SPOPL: variants seen among roughly 807,000 people sequenced by gnomAD.
The protein encoded by SPOPL is speckle type BTB/POZ protein like, also known as speckle-type POZ protein-like.
In SPOPL, 23 loss-of-function variants were observed where a neutral mutation model predicts 53.8. The ratio of observed to expected loss-of-function variants is 0.43; its 90% CI spans 0.31 to 0.61. SPOPL has a LOEUF of 0.61. Among genes scored for constraint, SPOPL ranks in the 20% least tolerant of loss-of-function variants. The pLI is 0.12. For missense variants in SPOPL, 442 were observed against 466.9 expected, an observed-to-expected ratio of 0.95 and a Z score of 0.49; for synonymous variants, 164 against 149.7, an observed-to-expected ratio of 1.10 and a Z score of -0.70.
intron 1 of SPOPL, among the ~76,000 whole-genome samples, chr2:138,517,461 C>T (rs1286796874): frequency 6.6e-6 from 1 of 152,072 alleles, no homozygotes; most frequent in Non-Finnish European, 1.5e-5. Flanking sequence ...ATATTTCTTG[C>T]CGGGTGCGGT....
intron 1 of SPOPL, among the ~76,000 whole-genome samples, chr2:138,530,016 T>A (rs1415266826): frequency 1.3e-5 from 2 of 152,082 alleles, no homozygotes; most frequent in African/African-American, 4.8e-5. Context: ...TGTTTCCTGC[T>A]ATGTGTCCAT....
chr2:138,566,417 C>T (rs1685661336), intron 10 of SPOPL, among the ~76,000 whole-genome samples: 5 of 152,028 alleles, frequency 3.3e-5, no homozygotes, highest in Admixed American at 1.3e-4. Context: ...TTGTTTTGTA[C>T]CCCCTTGGAG....
In SPOPL at chr2:138,560,839, T is replaced by G; in HGVS notation, c.749T>G (p.Val250Gly). The change falls in exon 8 of 11, where the codon GTT (valine) becomes GGT (glycine). Residue 250 changes from valine to glycine, a missense_variant. Physicochemically the swap from Val to Gly is moderately radical, Grantham distance 109. Coordinates refer to ENST00000280098, the MANE Select transcript of SPOPL (RefSeq NM_001001664.3). ...GAAATAAATGATTTAGACCCTGAAGTTTTTAAAGAAATGATGAGATTCATT... is the reference window on the plus strand; with the variant it reads ...GAAATAAATGATTTAGACCCTGAAGGTTTTAAAGAAATGATGAGATTCATT... ...RVEINDLDPE[V>G]FKEMMRFIYT... is the part of the protein sequence containing the mutation. 6.2e-7 allele frequency: 1 copy of G among 1,608,484 alleles called. No individual in the cohort carries two copies. The highest frequency in any genetic ancestry group is 1.9e-4 in the Middle Eastern group (1 of 5,142).
At chr2:138,552,941 G>C (rs1685344971) in intron 5 of SPOPL, among the ~76,000 whole-genome samples, 2 of 151,946 alleles carry the variant, frequency 1.3e-5, no homozygotes. Flanking sequence ...TCTTCCTCTT[G>C]AAAAGATTGT....
intron 5 of SPOPL, among the ~76,000 whole-genome samples, chr2:138,553,732 T>G (rs1325947091): frequency 6.6e-6 from 1 of 152,150 alleles, no homozygotes; most frequent in African/African-American, 2.4e-5. Flanking sequence ...ATGAACTGTA[T>G]GATGAATTTA....
intron 5 of SPOPL, 36 bp downstream of exon 5, chr2:138,552,717 T>C (rs1387151789): frequency 6.3e-7 from 1 of 1,590,212 alleles, no homozygotes; most frequent in South Asian, 1.1e-5. Flanking sequence ...CCCCATGGTT[T>C]ATTTAGTGAT....
At chr2:138,546,221 A>T (rs1249231694) in intron 1 of SPOPL, among the ~76,000 whole-genome samples, 1 of 152,250 alleles carries the variant, frequency 6.6e-6, no homozygotes, top group Non-Finnish European at 1.5e-5. Context: ...TTTCCCTTTA[A>T]TAAGTAAAAG....
rs562136468 is a variant in SPOPL, at chr2:138,569,954, T to A, written c.*874T>A. On this transcript the variant is annotated 3_prime_UTR_variant, in exon 11 of 11. Coordinates refer to ENST00000280098, the MANE Select transcript of SPOPL (RefSeq NM_001001664.3). ...TGTGTAACTTTTGTATGCTGAATGGTACATATATTTTTTTGCTTTTGAGGG... is the reference window on the plus strand; with the variant it reads ...TGTGTAACTTTTGTATGCTGAATGGAACATATATTTTTTTGCTTTTGAGGG... 1 of 152,670 alleles carries A rather than the reference T, an allele frequency of 6.6e-6. No individual in the cohort carries two copies. The highest frequency in any genetic ancestry group is 2.4e-5 in the African/African-American group (1 of 41,556). 9.5% of individuals were successfully genotyped at this position (152,670 alleles called of 1,614,324 possible). A position where few individuals can be genotyped will look rare whatever the true frequency, so the allele number is the denominator to read the frequency against.
At chr2:138,554,644 C>A in intron 5 of SPOPL, 1 of 432,564 alleles carries the variant, frequency 2.3e-6, no homozygotes. Flanking sequence ...GTGTAAGCAG[C>A]TCTGCCCTCT....
chr2:138,541,293 G>A (rs1192643344), intron 1 of SPOPL, among the ~76,000 whole-genome samples: 3 of 152,132 alleles, frequency 2.0e-5, no homozygotes, highest in Non-Finnish European at 4.4e-5. Flanking sequence ...TTTTTCTATT[G>A]ATTGGAGTAG....
rs1350781284 is a variant in SPOPL at position 138,570,499 on chromosome 2, GAGAAGCAGA to G, written c.*1422_*1430del. On this transcript the variant is annotated 3_prime_UTR_variant, in exon 11 of 11. Coordinates refer to ENST00000280098, the MANE Select transcript of SPOPL (RefSeq NM_001001664.3). ...AGGTTTGTTCTGGTGCATTGTCCTG[GAGAAGCAGA>G]AGCAGTCAGTGTTGGGGTACCACAT... 1 of 152,132 alleles carries G rather than the reference GAGAAGCAGA, an allele frequency of 6.6e-6. No individual in the cohort carries two copies. Among genetic ancestry groups the G allele is most frequent in the Non-Finnish European group, 1.5e-5 (1 of 68,016 alleles). 9.4% of individuals were successfully genotyped at this position (152,132 alleles called of 1,614,324 possible).
In SPOPL at chr2:138,522,891, C is replaced by T. The variant is rs142705971; in HGVS notation, c.-61+20772C>T. 5.9e-5 allele frequency among the ~76,000 whole-genome samples: 9 copies of T among 152,268 alleles called. No homozygotes were observed. In the East Asian group the frequency reaches 1.7e-3, roughly 29 times the overall value. On this transcript the variant is annotated intron_variant, in intron 1 of 10. Coordinates refer to ENST00000280098, the MANE Select transcript of SPOPL (RefSeq NM_001001664.3). ...CAAAATTAGCTATTCCATTAATTCT[C>T]TCAAAACACGTAACTAGCCCCCTTC... is the stretch of plus-strand genomic sequence containing the variant.
At chr2:138,566,029 C>T (rs577893486) in intron 10 of SPOPL, among the ~76,000 whole-genome samples, 77 of 152,124 alleles carry the variant, frequency 5.1e-4, no homozygotes, top group African/African-American at 1.3e-3. Context: ...CCACCGTGCC[C>T]GGCCAAAAAT....
At chr2:138,541,242 A>G (rs1231959346) in intron 1 of SPOPL, among the ~76,000 whole-genome samples, 2 of 152,126 alleles carry the variant, frequency 1.3e-5, no homozygotes, top group Non-Finnish European at 2.9e-5. Flanking sequence ...TGGTATCAGG[A>G]TGATGCTGGC....
intron 1 of SPOPL, among the ~76,000 whole-genome samples, chr2:138,536,274 C>T (rs1684930892): frequency 6.6e-6 from 1 of 151,990 alleles, no homozygotes; most frequent in African/African-American, 2.4e-5. Flanking sequence ...TTCTTCCTTC[C>T]AGTGCATGCT....
At chr2:138,505,600 A>T (rs1399271018) in intron 1 of SPOPL, among the ~76,000 whole-genome samples, 5 of 83,566 alleles carry the variant, frequency 6.0e-5, no homozygotes, top group Admixed American at 1.1e-4. Context: ...CTTCTAAAAA[A>T]AAAAAAAAAA....
At chr2:138,516,179 A>G (rs1455336192) in intron 1 of SPOPL, among the ~76,000 whole-genome samples, 2 of 152,188 alleles carry the variant, frequency 1.3e-5, no homozygotes, top group African/African-American at 2.4e-5. Flanking sequence ...TTAGATTGAT[A>G]TGGAGTGGAG....
intron 8 of SPOPL, among the ~76,000 whole-genome samples, chr2:138,562,214 A>G (rs971891177): frequency 1.3e-5 from 2 of 151,824 alleles, no homozygotes; most frequent in Admixed American, 6.6e-5. Flanking sequence ...TTTTATTATA[A>G]TAACTTTGGG....
intron 10 of SPOPL, 136 bp from the exon 11 acceptor site, chr2:138,568,793 TTTTAATA>T: frequency 1.1e-6 from 1 of 880,444 alleles, no homozygotes; most frequent in Non-Finnish European, 1.7e-6. Flanking sequence ...AAAGATGGTA[TTTTAATA>T]AAAGCAAATG....
Sources: gnomAD v4.1 joint callset for allele counts (sites outside exome capture counted in the v4.1 genomes callset) on GRCh38, gnomAD v4.1.1 for gene constraint, MANE v1.5 for transcripts, NCBI Gene and HGNC (gene_info 2026-07-23, HGNC 2026-07-21) for gene names.